The following PRKCQ variants were observed in gnomAD, a reference collection of about 807,000 sequenced individuals.
PRKCQ encodes protein kinase C theta type.
A neutral mutation model predicts 91.2 loss-of-function variants in PRKCQ; 41 were observed. That is an observed-to-expected ratio of 0.45 (90% CI 0.35 to 0.58). The LOEUF (loss-of-function observed/expected upper bound fraction) is 0.58. Among genes scored for constraint, PRKCQ ranks in the 20% least tolerant of loss-of-function variants. PRKCQ has a pLI of 0.00. For synonymous variants in PRKCQ, 307 were observed against 316.9 expected, an observed-to-expected ratio of 0.97 and a Z score of 0.33; for missense variants, 673 against 896.5, an observed-to-expected ratio of 0.75 and a Z score of 3.18.
chr10:6,577,570 C>T (rs1048481005), intron 1 of PRKCQ, among the ~76,000 whole-genome samples: 2 of 152,098 alleles, frequency 1.3e-5, no homozygotes, highest in African/African-American at 4.8e-5. Context: ...CACACGGAAT[C>T]ACGTCTATAT....
At chr10:6,531,857 C>T (rs758646048) in intron 1 of PRKCQ, among the ~76,000 whole-genome samples, 2 of 151,858 alleles carry the variant, frequency 1.3e-5, no homozygotes, top group South Asian at 4.2e-4. Context: ...TTATTGATCT[C>T]GTGGTCTGCC....
chr10:6,422,647 C>A (rs1421523352), downstream of PRKCQ, among the ~76,000 whole-genome samples: 1 of 152,188 alleles, frequency 6.6e-6, no homozygotes, highest in Non-Finnish European at 1.5e-5. Flanking sequence ...AGCACTTCAC[C>A]CAGTACCTGG....
intron 16 of PRKCQ, among the ~76,000 whole-genome samples, chr10:6,435,163 A>C (rs911641386): frequency 2.0e-5 from 3 of 152,162 alleles, no homozygotes; most frequent in African/African-American, 7.2e-5. Context: ...CCCCACTGGA[A>C]TTCTTGCCAG....
chr10:6,474,994 T>TAAAAGAA (rs1235367396), intron 12 of PRKCQ, among the ~76,000 whole-genome samples: 1 of 152,070 alleles, frequency 6.6e-6, no homozygotes, highest in Non-Finnish European at 1.5e-5. Context: ...AGAAAAAAAG[T>TAAAAGAA]AAAAGAAAGA....
intron 4 of PRKCQ, among the ~76,000 whole-genome samples, chr10:6,505,033 A>G (rs1564359567): frequency 1.3e-5 from 2 of 151,944 alleles, no homozygotes; most frequent in African/African-American, 4.8e-5. Context: ...AGCTGGGACT[A>G]CAGGCACACA....
Position 6,553,512 on chromosome 10 carries a change from AAAAAAC to A in PRKCQ, c.-10+26693_-10+26698del, listed in dbSNP as rs1391283399. Reference sequence around the variant, plus strand: ...CTCAAAAAAAAAAAAAAAAAAAAAAAAAAAACAAACAAACAAAAGAAGAAGAAGAAG... The same window carrying A: ...CTCAAAAAAAAAAAAAAAAAAAAAAAAAACAAACAAAAGAAGAAGAAGAAG... On this transcript the variant is annotated intron_variant, in intron 1 of 17. Coordinates refer to ENST00000263125, the MANE Select transcript of PRKCQ (RefSeq NM_006257.5). Among the ~76,000 whole-genome samples, 12 of 140,852 alleles carry A rather than the reference AAAAAAC, an allele frequency of 8.5e-5. 1 individual carries two copies. Among genetic ancestry groups the A allele is most frequent in the East Asian group, 6.0e-4 (3 of 5,022 alleles). 92.4% of individuals were successfully genotyped at this position (140,852 alleles called of 152,430 possible).
chr10:6,463,614 A>C (rs1199641261), intron 13 of PRKCQ, among the ~76,000 whole-genome samples: 6 of 152,162 alleles, frequency 3.9e-5, no homozygotes, highest in Non-Finnish European at 8.8e-5. Flanking sequence ...ACTTCAACCT[A>C]AACCACTCAA....
intron 1 of PRKCQ, among the ~76,000 whole-genome samples, chr10:6,548,040 AAAAC>A (rs1184619985): frequency 6.6e-6 from 1 of 152,116 alleles, no homozygotes; most frequent in African/African-American, 2.4e-5. Context: ...TTACAAGAAA[AAAAC>A]AAACAACCCC....
rs766156633 is a variant in PRKCQ, at chr10:6,514,989, C to T, written c.118+29G>A. 18 of 1,611,962 alleles carry T rather than the reference C, an allele frequency of 1.1e-5. 1 individual carries two copies. Among genetic ancestry groups the T allele is most frequent in the Middle Eastern group, 2.1e-4 (1 of 4,770 alleles). On this transcript the variant is annotated intron_variant, in intron 2 of 17. Coordinates refer to ENST00000263125, the MANE Select transcript of PRKCQ (RefSeq NM_006257.5). ...TCATAGCAGGATTCTCCTCCTCCTC[C>T]CCCGCTTTGAAAATCCCCTCAAGCT...
intron 3 of PRKCQ, among the ~76,000 whole-genome samples, chr10:6,508,073 G>C (rs139913896): frequency 4.6e-5 from 7 of 152,222 alleles, no homozygotes; most frequent in African/African-American, 1.7e-4. Flanking sequence ...TAATTACACT[G>C]ATCTGGGAAG....
upstream of PRKCQ, chr10:6,580,409 G>C (rs1841436835): frequency 6.6e-6 from 1 of 151,840 alleles, no homozygotes; most frequent in Admixed American, 6.6e-5. Flanking sequence ...CCGGCCTCCC[G>C]GGACCCGGCA....
intron 1 of PRKCQ, among the ~76,000 whole-genome samples, chr10:6,530,071 A>C (rs772519445): frequency 2.0e-5 from 3 of 152,164 alleles, no homozygotes; most frequent in Non-Finnish European, 4.4e-5. Context: ...ATATCTGCCT[A>C]CTATATTGCA....
At chr10:6,516,755 C>T (rs1043040734) in intron 1 of PRKCQ, among the ~76,000 whole-genome samples, 1 of 152,120 alleles carries the variant, frequency 6.6e-6, no homozygotes, top group Non-Finnish European at 1.5e-5. Context: ...TTTCTGGTGT[C>T]ACCCTGCTAT....
chr10:6,535,451 T>G (rs1004581123), intron 1 of PRKCQ, among the ~76,000 whole-genome samples: 8 of 152,140 alleles, frequency 5.3e-5, no homozygotes, highest in Non-Finnish European at 8.8e-5. Context: ...TGATGTTAAA[T>G]CCACATATGT....
intron 1 of PRKCQ, among the ~76,000 whole-genome samples, chr10:6,534,339 G>T (rs942320620): frequency 6.6e-6 from 1 of 152,110 alleles, no homozygotes; most frequent in Admixed American, 6.5e-5. Flanking sequence ...TCCAAAGTCT[G>T]ACATGAAGCT....
chr10:6,566,662 T>A (rs920500504), intron 1 of PRKCQ, among the ~76,000 whole-genome samples: 1 of 152,064 alleles, frequency 6.6e-6, no homozygotes, highest in Admixed American at 6.5e-5. Context: ...GGGTTCCTAA[T>A]ATCCTTGTGT....
intron 1 of PRKCQ, among the ~76,000 whole-genome samples, chr10:6,557,192 C>T (rs964708625): frequency 1.3e-5 from 2 of 152,170 alleles, no homozygotes; most frequent in East Asian, 1.9e-4. Flanking sequence ...TGCTTCCTCC[C>T]CTTCCATTCG....
At chr10:6,413,970 C>T in the PRKCQ span, among the ~76,000 whole-genome samples, 1 of 152,218 alleles carries the variant, frequency 6.6e-6, no homozygotes, top group African/African-American at 2.4e-5. Flanking sequence ...AATAACAGCC[C>T]TGACGACATT....
At chr10:6,509,082 A>G (rs1011805636) in intron 3 of PRKCQ, among the ~76,000 whole-genome samples, 1 of 152,148 alleles carries the variant, frequency 6.6e-6, no homozygotes, top group Non-Finnish European at 1.5e-5. Flanking sequence ...AAAAAATAAA[A>G]AAGAAAACAA....
Sources: allele counts gnomAD v4.1 joint callset (sites outside exome capture counted in the v4.1 genomes callset), GRCh38; gene constraint gnomAD v4.1.1; transcripts MANE v1.5; gene names NCBI Gene and HGNC (gene_info 2026-07-23, HGNC 2026-07-21).